Variants in TMCC1 observed in about 807,000 individuals in gnomAD.
The protein encoded by TMCC1 is transmembrane and coiled-coil domains protein 1.
A neutral mutation model predicts 52.4 loss-of-function variants in TMCC1; 15 were observed. The observed-to-expected ratio is 0.29, with a 90% confidence interval of 0.19 to 0.44. The LOEUF (loss-of-function observed/expected upper bound fraction) is 0.44. Ranked by LOEUF, TMCC1 falls within the 20% of genes least tolerant of loss-of-function variation. TMCC1 has a pLI of 1.00. For missense variants in TMCC1, 503 were observed against 806.0 expected, an observed-to-expected ratio of 0.62 and a Z score of 4.55; for synonymous variants, 279 against 301.9, an observed-to-expected ratio of 0.92 and a Z score of 0.79.
Position 129,651,876 on chromosome 3 carries a change from A to G in TMCC1, c.1648-81T>C. ...CTGACATGCCCCCTGGGCAAGCCAG[A>G]TGCATCTTGAGCAATGCCAATGATT... On this transcript the variant is annotated intron_variant, in intron 6 of 6. Coordinates refer to ENST00000393238, the MANE Select transcript of TMCC1 (RefSeq NM_001017395.5). The surrounding 1 kb of genome is among the most constrained non-coding windows in gnomAD (Gnocchi z 5.1). 1 of 1,438,734 alleles carries G rather than the reference A, an allele frequency of 7.0e-7. No homozygotes were observed. The highest frequency in any genetic ancestry group is 1.3e-5 in the South Asian group (1 of 74,786). The allele number at this position is 1,438,734 out of a possible 1,614,324, so 89.1% of individuals were successfully genotyped here.
At chr3:129,714,540 G>A (rs796916133) in intron 4 of TMCC1, among the ~76,000 whole-genome samples, 1 of 152,080 alleles carries the variant, frequency 6.6e-6, no homozygotes, top group African/African-American at 2.4e-5. Context: ...GGCCCATTTG[G>A]TATATAATAT....
At chr3:129,713,094 T>C (rs1225381927) in intron 4 of TMCC1, among the ~76,000 whole-genome samples, 1 of 151,738 alleles carries the variant, frequency 6.6e-6, no homozygotes, top group African/African-American at 2.4e-5. Flanking sequence ...AGACCCTGAC[T>C]CTACAAAAAA....
intron 4 of TMCC1, among the ~76,000 whole-genome samples, chr3:129,723,584 AT>A (rs1433926757): frequency 1.3e-5 from 2 of 152,098 alleles, no homozygotes; most frequent in Non-Finnish European, 2.9e-5. Context: ...GAAAGTGAGG[AT>A]GACACTTACT....
intron 1 of TMCC1, among the ~76,000 whole-genome samples, chr3:129,891,856 T>C (rs539944132): frequency 6.6e-6 from 1 of 152,324 alleles, no homozygotes; most frequent in South Asian, 2.1e-4. Context: ...ATGAGAGGCA[T>C]AAGCAGTCTT....
chr3:129,871,150 G>A lies in TMCC1; in HGVS notation c.-184+9159C>T, dbSNP rs571362755. On this transcript the variant is annotated intron_variant, in intron 2 of 6. Transcript: ENST00000393238. ...GAGACAGGTGGAGAGCCTGAGGTCA[G>A]GAGTTCGAGACCAGCCTTGCCAACA... 7.9e-5 allele frequency among the ~76,000 whole-genome samples: 12 copies of A among 152,228 alleles called. No individual in the cohort carries two copies. In the East Asian group the frequency reaches 1.7e-3, roughly 22 times the overall value.
chr3:129,674,902 G>A (rs1381286689), intron 4 of TMCC1, among the ~76,000 whole-genome samples: 2 of 151,960 alleles, frequency 1.3e-5, no homozygotes, highest in African/African-American at 2.4e-5. Flanking sequence ...GTGCAAAGGC[G>A]CGACGTCAGC....
rs146661471 is a variant in TMCC1 at position 129,780,677 on chromosome 3, A to G, written c.576+47126T>C. On this transcript the variant is annotated intron_variant, in intron 4 of 6. Coordinates refer to ENST00000393238, the MANE Select transcript of TMCC1 (RefSeq NM_001017395.5). ...TCCTCAATACCCAGAGTCTTGGCTTAAAATGAAAACCCTGAGTCTTCCTTC... is the reference window on the plus strand; with the variant it reads ...TCCTCAATACCCAGAGTCTTGGCTTGAAATGAAAACCCTGAGTCTTCCTTC... 7.9e-5 allele frequency among the ~76,000 whole-genome samples: 12 copies of G among 152,242 alleles called. No individual in the cohort carries two copies. In the East Asian group the frequency reaches 2.1e-3, roughly 27 times the overall value.
chr3:129,892,984 C>G (rs2062043978), intron 1 of TMCC1, among the ~76,000 whole-genome samples: 3 of 152,198 alleles, frequency 2.0e-5, no homozygotes, highest in Admixed American at 2.0e-4. Context: ...GCCGGGCTCC[C>G]TCCTCCCCTC....
Position 129,829,870 on chromosome 3 carries a change from A to G in TMCC1, c.-130-1362T>C, listed in dbSNP as rs371595702. On this transcript the variant is annotated intron_variant, in intron 3 of 6. Transcript: ENST00000393238. ...CACTAAAGTTTTGTTCCTGATGACT[A>G]CTCTCAGAAGACTTTTTTCAAATAT... 4.6e-5 allele frequency among the ~76,000 whole-genome samples: 7 copies of G among 152,192 alleles called. No homozygotes were observed. In the East Asian group the frequency reaches 1.4e-3, roughly 29 times the overall value.
At chr3:129,757,974 C>T (rs1301294826) in intron 4 of TMCC1, among the ~76,000 whole-genome samples, 1 of 151,910 alleles carries the variant, frequency 6.6e-6, no homozygotes, top group Non-Finnish European at 1.5e-5. Context: ...AAAAATCAAC[C>T]ATGCAATGGG....
At chr3:129,799,962 T>G (rs1012428900) in intron 4 of TMCC1, among the ~76,000 whole-genome samples, 84 of 152,258 alleles carry the variant, frequency 5.5e-4, no homozygotes, top group African/African-American at 2.0e-3. Flanking sequence ...CATATAAAGA[T>G]ATAAAACATC....
chr3:129,777,067 A>C (rs552587163), intron 4 of TMCC1, among the ~76,000 whole-genome samples: 21 of 152,318 alleles, frequency 1.4e-4, no homozygotes, highest in African/African-American at 3.4e-4. Flanking sequence ...TATCAAATTA[A>C]TCAATAAAAT....
chr3:129,881,181 C>T (rs753142758), intron 1 of TMCC1, among the ~76,000 whole-genome samples: 2 of 152,072 alleles, frequency 1.3e-5, no homozygotes, highest in African/African-American at 2.4e-5. Flanking sequence ...TTTAAATTAA[C>T]ATTAGTGAAC....
intron 1 of TMCC1, among the ~76,000 whole-genome samples, chr3:129,891,889 C>T (rs2061980064): frequency 6.6e-6 from 1 of 152,204 alleles, no homozygotes; most frequent in African/African-American, 2.4e-5. Context: ...AAATATTCTA[C>T]TATCAAGAAG....
intron 4 of TMCC1, among the ~76,000 whole-genome samples, chr3:129,695,125 A>T (rs949297006): frequency 1.9e-4 from 14 of 72,620 alleles, no homozygotes; most frequent in African/African-American, 5.5e-4. Context: ...AAAAAAAAAA[A>T]ATCATAATTA....
intron 5 of TMCC1, among the ~76,000 whole-genome samples, chr3:129,664,617 G>A (rs2087308417): frequency 6.6e-6 from 1 of 152,134 alleles, no homozygotes; most frequent in Non-Finnish European, 1.5e-5. Context: ...CACCTGGGGG[G>A]TTTTTAGCCT....
chr3:129,698,643 G>A (rs144068346), intron 4 of TMCC1, among the ~76,000 whole-genome samples: 28 of 152,266 alleles, frequency 1.8e-4, no homozygotes, highest in African/African-American at 6.5e-4. Context: ...ATTTGGGTCT[G>A]TACTTTTTCT....
chr3:129,756,754 C>T (rs1469406388), intron 4 of TMCC1, among the ~76,000 whole-genome samples: 2 of 152,180 alleles, frequency 1.3e-5, no homozygotes, highest in Admixed American at 6.5e-5. Flanking sequence ...CAAAGTGTTA[C>T]ATGTTGTATG....
Position 129,648,700 on chromosome 3 carries a change from T to TA in TMCC1, c.*2780dup. ...ATACAGTTTTCTTTTCTTTTTTTTTTAGAGGAGCATTCAAATGAGGGGACG... is the reference window on the plus strand; with the variant it reads ...ATACAGTTTTCTTTTCTTTTTTTTTTAAGAGGAGCATTCAAATGAGGGGACG... On this transcript the variant is annotated 3_prime_UTR_variant, in exon 7 of 7. Coordinates refer to ENST00000393238, the MANE Select transcript of TMCC1 (RefSeq NM_001017395.5). 6.6e-6 allele frequency: 1 copy of TA among 151,090 alleles called. No homozygotes were observed. The highest frequency in any genetic ancestry group is 2.1e-4 in the South Asian group (1 of 4,736). 9.4% of individuals were successfully genotyped at this position (151,090 alleles called of 1,614,324 possible). A position where few individuals can be genotyped will look rare whatever the true frequency, so the allele number is the denominator to read the frequency against.
Sources: allele counts gnomAD v4.1 joint callset (sites outside exome capture counted in the v4.1 genomes callset), GRCh38; gene constraint gnomAD v4.1.1; non-coding constraint Gnocchi (gnomAD v3.1); transcripts MANE v1.5; gene names NCBI Gene and HGNC (gene_info 2026-07-23, HGNC 2026-07-21).